RIMS2: variants seen among roughly 807,000 people sequenced by gnomAD.
The protein encoded by RIMS2 is regulating synaptic membrane exocytosis protein 2.
In RIMS2, 59 loss-of-function variants were observed where a neutral mutation model predicts 174.4. That is an observed-to-expected ratio of 0.34 (90% CI 0.27 to 0.42). The LOEUF (loss-of-function observed/expected upper bound fraction) is 0.42, where lower values mean the gene tolerates loss of function less well. Ranked by LOEUF, RIMS2 falls within the 10% of genes least tolerant of loss-of-function variation. The probability of loss-of-function intolerance (pLI) is 1.00; values close to 1 mark genes in which losing one functional copy is unlikely to be tolerated. For missense variants in RIMS2, 1,620 were observed against 1,666.3 expected (o/e 0.97, Z 0.48); for synonymous variants, 606 against 572.5 (o/e 1.06, Z -0.84).
At chr8:104,058,319 GTGA>G (rs2096911681) in intron 19 of RIMS2, among the ~76,000 whole-genome samples, 1 of 147,240 alleles carries the variant, frequency 6.8e-6, no homozygotes, top group Non-Finnish European at 1.5e-5. Context: ...CTGATGGCCA[GTGA>G]TGATGAGCAT....
chr8:103,654,928 C>T (rs573098604), intron 1 of RIMS2, among the ~76,000 whole-genome samples: 1 of 151,950 alleles, frequency 6.6e-6, no homozygotes, highest in South Asian at 2.1e-4. Flanking sequence ...TATTATGTTT[C>T]CTAAACACTA....
At chr8:103,716,196 C>T (rs1260729455) in intron 2 of RIMS2, 113 bp from the exon 5 acceptor site, 2 of 151,920 alleles carry the variant, frequency 1.3e-5, no homozygotes, top group African/African-American at 4.8e-5. Flanking sequence ...ATTTTAATTT[C>T]AGTAAGAAAA....
At chr8:103,696,357 G>A (rs1459300912) in intron 1 of RIMS2, among the ~76,000 whole-genome samples, 1 of 152,046 alleles carries the variant, frequency 6.6e-6, no homozygotes, top group Non-Finnish European at 1.5e-5. Context: ...TTGAGACTGT[G>A]TCTCAGTGAT....
At chr8:103,965,416 G>C (rs907690559) in intron 15 of RIMS2, among the ~76,000 whole-genome samples, 1 of 152,074 alleles carries the variant, frequency 6.6e-6, no homozygotes, top group Non-Finnish European at 1.5e-5. Flanking sequence ...AATGTAAATG[G>C]TGTTGCATTT....
chr8:104,041,645 T>A (rs912455215), intron 19 of RIMS2, among the ~76,000 whole-genome samples: 1 of 151,678 alleles, frequency 6.6e-6, no homozygotes, highest in African/African-American at 2.4e-5. Flanking sequence ...TGTATGCGTA[T>A]GTATATTTAG....
chr8:103,631,560 A>T (rs1392619424), intron 1 of RIMS2, among the ~76,000 whole-genome samples: 1 of 152,180 alleles, frequency 6.6e-6, no homozygotes, highest in Non-Finnish European at 1.5e-5. Context: ...AAGTCAGGTA[A>T]TGTGATGCCA....
At chr8:104,063,194 CAA>C (rs1159504264) in intron 19 of RIMS2, among the ~76,000 whole-genome samples, 1 of 151,878 alleles carries the variant, frequency 6.6e-6, no homozygotes, top group African/African-American at 2.4e-5. Context: ...AACTGAAAAA[CAA>C]ATATAATTTG....
chr8:103,855,013 T>G (rs2099019876), intron 3 of RIMS2, among the ~76,000 whole-genome samples: 1 of 152,058 alleles, frequency 6.6e-6, no homozygotes, highest in Admixed American at 6.6e-5. Flanking sequence ...TGGTAGGTTT[T>G]TTATTACTAA....
chr8:104,118,964 T>C (rs530633271), intron 19 of RIMS2, among the ~76,000 whole-genome samples: 1 of 152,194 alleles, frequency 6.6e-6, no homozygotes, highest in Non-Finnish European at 1.5e-5. Context: ...AAAGGGCTCA[T>C]CTCCAGATAC....
At chr8:103,990,441 C>T (rs17239100) in intron 17 of RIMS2, among the ~76,000 whole-genome samples, 19,303 of 152,016 alleles carry the variant, frequency 0.13, 1,700 homozygotes, top group Non-Finnish European at 0.19. Flanking sequence ...TAAATTAATA[C>T]TGCTTTTAGT....
chr8:103,818,968 A>G (rs1441635287), intron 3 of RIMS2, among the ~76,000 whole-genome samples: 2 of 152,168 alleles, frequency 1.3e-5, no homozygotes, highest in Non-Finnish European at 2.9e-5. Flanking sequence ...CATCTTGCAC[A>G]TTGAAGAGAT....
chr8:104,067,405 A>G (rs1459460255), intron 19 of RIMS2, among the ~76,000 whole-genome samples: 1 of 152,128 alleles, frequency 6.6e-6, no homozygotes, highest in African/African-American at 2.4e-5. Context: ...TGACAAATGT[A>G]CTTTTTTTGA....
At chr8:103,587,806 A>C (rs1222325618) in intron 1 of RIMS2, among the ~76,000 whole-genome samples, 1 of 152,080 alleles carries the variant, frequency 6.6e-6, no homozygotes, top group Non-Finnish European at 1.5e-5. Context: ...TAATATACTG[A>C]ATGAGGAACA....
At chr8:103,529,303 T>C (rs1414672249) in intron 1 of RIMS2, among the ~76,000 whole-genome samples, 1 of 152,146 alleles carries the variant, frequency 6.6e-6, no homozygotes, top group Non-Finnish European at 1.5e-5. Flanking sequence ...TTGCTTTGTC[T>C]ACCTACTCAA....
chr8:103,983,372 T>C (rs568907861), intron 16 of RIMS2, among the ~76,000 whole-genome samples: 1 of 152,312 alleles, frequency 6.6e-6, no homozygotes, highest in East Asian at 1.9e-4. Context: ...ACCAATGACA[T>C]TCATCACAGA....
intron 14 of RIMS2, among the ~76,000 whole-genome samples, chr8:103,952,384 C>T (rs898215510): frequency 6.6e-6 from 1 of 152,140 alleles, no homozygotes; most frequent in African/African-American, 2.4e-5. Context: ...TGGTGGGTGC[C>T]CCTCTGGGAC....
intron 9 of RIMS2, chr8:103,920,917 T>C: frequency 3.1e-6 from 1 of 319,926 alleles, no homozygotes; most frequent in Non-Finnish European, 6.1e-6. Context: ...GAGAATGGCG[T>C]GAACCCGGGA....
At chr8:104,110,865 A>G (rs2098168571) in intron 19 of RIMS2, among the ~76,000 whole-genome samples, 2 of 152,200 alleles carry the variant, frequency 1.3e-5, no homozygotes, top group African/African-American at 4.8e-5. Context: ...TATTTAAACC[A>G]GCATTTTCCA....
chr8:103,965,723 T>G (rs1399231813), intron 15 of RIMS2, among the ~76,000 whole-genome samples: 2 of 152,152 alleles, frequency 1.3e-5, no homozygotes, highest in African/African-American at 2.4e-5. Flanking sequence ...GTTTCTGATC[T>G]CAGTGGGAAA....
Sources: allele counts gnomAD v4.1 joint callset (sites outside exome capture counted in the v4.1 genomes callset), GRCh38; gene constraint gnomAD v4.1.1; transcripts MANE v1.5; gene names NCBI Gene and HGNC (gene_info 2026-07-23, HGNC 2026-07-21).